Variants in RAPGEF2 observed in about 807,000 individuals in gnomAD.
RAPGEF2 encodes PDZ domain containing guanine nucleotide exchange factor (GEF) 1.
RAPGEF2 carries 54 observed loss-of-function variants against 186.7 expected under a neutral mutation model. The observed-to-expected ratio is 0.29, with a 90% CI of 0.23 to 0.36. The LOEUF (loss-of-function observed/expected upper bound fraction) is 0.36. Ranked by LOEUF, RAPGEF2 falls within the 10% of genes least tolerant of loss-of-function variation. RAPGEF2 has a pLI of 1.00. For synonymous variants in RAPGEF2, 712 were observed against 705.9 expected (o/e 1.01, Z -0.14); for missense variants, 1,532 against 2,045.0 (o/e 0.75, Z 4.84).
At chr4:159,104,697 T>A (rs1332768996) in intron 1 of RAPGEF2, among the ~76,000 whole-genome samples, 6 of 152,124 alleles carry the variant, frequency 3.9e-5, no homozygotes, top group Non-Finnish European at 8.8e-5. Context: ...TGACTCCAGA[T>A]CCGTTCCTCC....
chr4:159,238,200 A>G (rs1242378882), intron 4 of RAPGEF2, among the ~76,000 whole-genome samples: 3 of 152,186 alleles, frequency 2.0e-5, no homozygotes, highest in African/African-American at 7.2e-5. Context: ...CAAAGGTGCT[A>G]TGTCTGTGTT....
At chr4:159,195,500 T>G (rs1015556326) in intron 3 of RAPGEF2, among the ~76,000 whole-genome samples, 1 of 152,202 alleles carries the variant, frequency 6.6e-6, no homozygotes, top group Admixed American at 6.5e-5. Context: ...CATTTACTTA[T>G]TCTTCGTGGA....
In RAPGEF2 at chr4:159,241,474, A is replaced by G. The variant is rs150759929; in HGVS notation, c.525+106A>G. On this transcript the variant is annotated intron_variant, in intron 6 of 29. Transcript: ENST00000691494. ...TTTTGACAAATCTTTTCAATTATAT[A>G]TATATACACACACATTAAGTATACT... 1,028 of 448,746 alleles carry G rather than the reference A, an allele frequency of 2.3e-3. 27 individuals carry two copies. In the East Asian group the frequency reaches 0.037, roughly 16 times the overall value. The allele number at this position is 448,746 out of a possible 1,614,324, so 27.8% of individuals were successfully genotyped here.
In RAPGEF2 at chr4:159,341,694, C is replaced by G. The variant is rs759795576; in HGVS notation, c.2665C>G (p.Arg889Gly). The G allele has an allele frequency of 8.1e-6, 13 of 1,613,982 alleles. No individual in the cohort carries two copies. The South Asian group carries it at 1.4e-4, about 18-fold the overall frequency. The change falls in exon 20 of 30, where the codon CGA (arginine) becomes GGA (glycine). Residue 889 changes from arginine to glycine, a missense_variant. Around this residue, in one of 4 missense-constraint regions of RAPGEF2, gnomAD observed 810 missense variants for 1,210.5 expected, o/e 0.67. Transcript: ENST00000691494. ...GGAAGTTGCAACACAGCTCTCTATG[C>G]GAAATTTTGAACTCTTTCGCAACAT... is the stretch of plus-strand genomic sequence containing the variant. ...TVEVATQLSMRNFELFRNIEP... is the reference protein window; with the variant it reads ...TVEVATQLSMGNFELFRNIEP...
chr4:159,240,083 C>G (rs1178482474), intron 5 of RAPGEF2, among the ~76,000 whole-genome samples: 1 of 152,156 alleles, frequency 6.6e-6, no homozygotes, highest in Non-Finnish European at 1.5e-5. Context: ...ATATATAGCA[C>G]TTTCCAACAG....
chr4:159,193,957 T>C (rs1246291256), intron 3 of RAPGEF2, among the ~76,000 whole-genome samples: 1 of 152,156 alleles, frequency 6.6e-6, no homozygotes, highest in African/African-American at 2.4e-5. Flanking sequence ...GTTCATAATC[T>C]GTTGAGGAAG....
intron 1 of RAPGEF2, among the ~76,000 whole-genome samples, chr4:159,168,726 A>G (rs984515756): frequency 1.3e-5 from 2 of 152,206 alleles, no homozygotes; most frequent in African/African-American, 4.8e-5. Context: ...ACGTTTCATT[A>G]TGCGTAGGAG....
intron 1 of RAPGEF2, among the ~76,000 whole-genome samples, chr4:159,161,123 G>T (rs2111218820): frequency 6.6e-6 from 1 of 152,180 alleles, no homozygotes; most frequent in East Asian, 1.9e-4. Context: ...AAACATTCTG[G>T]ATGTAAACAT....
At chr4:159,289,061 TA>T (rs1362388512) in intron 7 of RAPGEF2, among the ~76,000 whole-genome samples, 1 of 152,178 alleles carries the variant, frequency 6.6e-6, no homozygotes, top group Non-Finnish European at 1.5e-5. Context: ...AATCTTTTTT[TA>T]AAATTTTTTA....
chr4:159,118,909 C>G (rs866694867), intron 1 of RAPGEF2, among the ~76,000 whole-genome samples: 14 of 152,272 alleles, frequency 9.2e-5, no homozygotes, highest in Non-Finnish European at 1.3e-4. Context: ...AACACAGTCT[C>G]TGGCATTGAA....
At position 159,111,243 on chromosome 4, in the gene RAPGEF2, T is replaced by C. The variant is rs114570737; in HGVS notation, c.69+7012T>C. On this transcript the variant is annotated intron_variant, in intron 1 of 29. Coordinates refer to ENST00000691494, the MANE Select transcript of RAPGEF2 (RefSeq NM_001394067.2). ...TGGCTCCACCTCTTCTGTGCTTTCA[T>C]ATCCATTATGTATAAGAAGTGTTTT... Among the ~76,000 whole-genome samples, 1,240 of 152,300 alleles carry C rather than the reference T, an allele frequency of 8.1e-3. 21 individuals are homozygous for C. The highest frequency in any genetic ancestry group is 0.028 in the African/African-American group (1,178 of 41,550).
intron 3 of RAPGEF2, among the ~76,000 whole-genome samples, chr4:159,196,282 T>G (rs1554008159): frequency 1.3e-5 from 2 of 152,168 alleles, no homozygotes; most frequent in Admixed American, 6.5e-5. Flanking sequence ...TGTATTTGTG[T>G]TATATATATA....
intron 7 of RAPGEF2, among the ~76,000 whole-genome samples, chr4:159,277,585 C>T (rs190145347): frequency 6.6e-6 from 1 of 152,168 alleles, no homozygotes; most frequent in African/African-American, 2.4e-5. Flanking sequence ...TCTCCAGCAC[C>T]TGTTGTTTCC....
chr4:159,263,284 GAA>G (rs1047955948), intron 7 of RAPGEF2, among the ~76,000 whole-genome samples: 3 of 152,106 alleles, frequency 2.0e-5, no homozygotes, highest in Non-Finnish European at 4.4e-5. Flanking sequence ...TTGGCTTTAG[GAA>G]AAGAGAAGTA....
intron 1 of RAPGEF2, among the ~76,000 whole-genome samples, chr4:159,112,049 A>G (rs1275182945): frequency 6.6e-6 from 1 of 152,180 alleles, no homozygotes; most frequent in African/African-American, 2.4e-5. Flanking sequence ...GTCATTTCAA[A>G]AATGTTATTA....
intron 1 of RAPGEF2, among the ~76,000 whole-genome samples, chr4:159,136,388 C>T (rs1223614486): frequency 6.6e-6 from 1 of 151,996 alleles, no homozygotes; most frequent in Non-Finnish European, 1.5e-5. Context: ...TTCAGGAAGA[C>T]CAGGTTTGAT....
intron 1 of RAPGEF2, among the ~76,000 whole-genome samples, chr4:159,167,809 G>C (rs1180390342): frequency 2.0e-5 from 3 of 152,128 alleles, no homozygotes; most frequent in African/African-American, 7.2e-5. Context: ...AAATTTAGGG[G>C]CAAAGATCAG....
Position 159,223,904 on chromosome 4 carries a change from T to G in RAPGEF2, c.281+13321T>G, listed in dbSNP as rs1751772057. On this transcript the variant is annotated intron_variant, in intron 4 of 29. Coordinates refer to ENST00000691494, the MANE Select transcript of RAPGEF2 (RefSeq NM_001394067.2). ...TAGCCATTATCCCATTTAAGTGAAC[T>G]TTTTTTTTTTTTGAGACAGAGTCTC... is the stretch of plus-strand genomic sequence containing the variant. Among the ~76,000 whole-genome samples the G allele has an allele frequency of 2.1e-5, 3 of 144,284 alleles. No individual in the cohort carries two copies. The East Asian group carries it at 5.9e-4, about 29-fold the overall frequency. 94.7% of individuals were successfully genotyped at this position (144,284 alleles called of 152,430 possible). A position where few individuals can be genotyped will look rare whatever the true frequency, so the allele number is the denominator to read the frequency against.
intron 7 of RAPGEF2, among the ~76,000 whole-genome samples, chr4:159,255,280 ACTT>A (rs1365533177): frequency 1.3e-5 from 2 of 150,936 alleles, no homozygotes; most frequent in African/African-American, 2.4e-5. Flanking sequence ...CATTTTTAAA[ACTT>A]CTTTCTTCTC....
Sources: gnomAD v4.1 joint callset for allele counts (sites outside exome capture counted in the v4.1 genomes callset) on GRCh38, gnomAD v4.1.1 for gene constraint, gnomAD v4.1.1 regional missense constraint, MANE v1.5 for transcripts, NCBI Gene and HGNC (gene_info 2026-07-23, HGNC 2026-07-21) for gene names.